ITGA8: variants seen among roughly 807,000 people sequenced by gnomAD.
The protein encoded by ITGA8 is integrin alpha-8.
A neutral mutation model predicts 142.3 loss-of-function variants in ITGA8; 91 were observed. The observed-to-expected ratio is 0.64, with a 90% CI of 0.54 to 0.76. The LOEUF (loss-of-function observed/expected upper bound fraction) is 0.76, where lower values mean the gene tolerates loss of function less well. ITGA8 is among the 30% of genes least tolerant of loss of function. The pLI, the probability that ITGA8 is intolerant of heterozygous loss-of-function variation, is 0.00. For missense variants in ITGA8, 1,406 were observed against 1,327.7 expected, an observed-to-expected ratio of 1.06 and a Z score of -0.92; for synonymous variants, 505 against 485.2, an observed-to-expected ratio of 1.04 and a Z score of -0.54.
chr10:15,718,098 A>G (rs1261244907), intron 2 of ITGA8, among the ~76,000 whole-genome samples: 1 of 152,234 alleles, frequency 6.6e-6, no homozygotes, highest in African/African-American at 2.4e-5. Flanking sequence ...TCGCATTTAA[A>G]TTATTTTCTC....
At chr10:15,522,862 A>C (rs1427158268) in intron 28 of ITGA8, among the ~76,000 whole-genome samples, 1 of 152,250 alleles carries the variant, frequency 6.6e-6, no homozygotes, top group East Asian at 1.9e-4. Context: ...AAATATAAAA[A>C]TTAGCTAGGC....
At chr10:15,549,992 A>C (rs1588638444) in intron 26 of ITGA8, among the ~76,000 whole-genome samples, 1 of 152,244 alleles carries the variant, frequency 6.6e-6, no homozygotes, top group East Asian at 1.9e-4. Flanking sequence ...GTCCCCACCC[A>C]AATCTCATCT....
At chr10:15,584,368 TAA>T (rs1220625684) in intron 23 of ITGA8, among the ~76,000 whole-genome samples, 1 of 152,072 alleles carries the variant, frequency 6.6e-6, no homozygotes, top group African/African-American at 2.4e-5. Flanking sequence ...ACAGGAAGAA[TAA>T]AGAGTCAACA....
At position 15,605,848 on chromosome 10, in the gene ITGA8, T is replaced by C. The variant is rs1833186112; in HGVS notation, c.1903-57A>G. On this transcript the variant is annotated intron_variant, in intron 18 of 29. Coordinates refer to ENST00000378076, the MANE Select transcript of ITGA8 (RefSeq NM_003638.3). ...CTAGGAAAATCTGATTCACATCCTT[T>C]TTCTTGAAAATTCTGAATGGTGCCA... 3.3e-6 allele frequency: 5 copies of C among 1,516,594 alleles called. No homozygotes were observed. In the Admixed American group the frequency reaches 8.4e-5, roughly 26 times the overall value. The allele number at this position is 1,516,594 out of a possible 1,614,324, so 93.9% of individuals were successfully genotyped here.
At chr10:15,592,782 A>G (rs1381365568) in intron 21 of ITGA8, among the ~76,000 whole-genome samples, 1 of 152,156 alleles carries the variant, frequency 6.6e-6, no homozygotes, top group East Asian at 1.9e-4. Context: ...CTTTTTTGTT[A>G]TTCGTAGAGA....
At chr10:15,544,377 G>A (rs1833631025) in intron 27 of ITGA8, among the ~76,000 whole-genome samples, 1 of 152,154 alleles carries the variant, frequency 6.6e-6, no homozygotes. Context: ...AGGGAGGCAG[G>A]GGGTAGTTTA....
intron 23 of ITGA8, among the ~76,000 whole-genome samples, chr10:15,579,919 A>G (rs533233857): frequency 2.6e-5 from 4 of 151,794 alleles, no homozygotes; most frequent in Non-Finnish European, 5.9e-5. Flanking sequence ...AAAGATCTCC[A>G]GTCAAGCATA....
At chr10:15,631,356 C>T (rs568061994) in intron 13 of ITGA8, among the ~76,000 whole-genome samples, 13 of 151,988 alleles carry the variant, frequency 8.6e-5, no homozygotes, top group South Asian at 6.2e-4. Context: ...GAAAATGTGA[C>T]GCATATACAC....
chr10:15,587,049 A>G (rs1341431765), intron 22 of ITGA8, among the ~76,000 whole-genome samples: 1 of 152,060 alleles, frequency 6.6e-6, no homozygotes, highest in Non-Finnish European at 1.5e-5. Flanking sequence ...CAGCCTCCCA[A>G]GTAGCTGAGA....
At chr10:15,565,072 G>C (rs1463251472) in intron 25 of ITGA8, among the ~76,000 whole-genome samples, 1 of 152,166 alleles carries the variant, frequency 6.6e-6, no homozygotes, top group Non-Finnish European at 1.5e-5. Context: ...CAAAATATAT[G>C]TGCAAACCTG....
intron 21 of ITGA8, among the ~76,000 whole-genome samples, chr10:15,593,982 C>T (rs111239729): frequency 0.02 from 3,059 of 151,914 alleles, 121 homozygotes; most frequent in African/African-American, 0.07. Context: ...GCTGGGATTA[C>T]GGGTGTGTGC....
intron 28 of ITGA8, among the ~76,000 whole-genome samples, chr10:15,528,060 C>T (rs1020436824): frequency 2.6e-5 from 4 of 151,864 alleles, no homozygotes; most frequent in South Asian, 4.2e-4. Flanking sequence ...GGACTACAGG[C>T]GAGCATCACC....
chr10:15,666,289 G>T (rs1834390281), intron 8 of ITGA8, among the ~76,000 whole-genome samples: 1 of 152,086 alleles, frequency 6.6e-6, no homozygotes, highest in Admixed American at 6.5e-5. Context: ...AATTATGAAT[G>T]GGAGTTCACT....
chr10:15,638,117 CAA>C (rs368318719), intron 13 of ITGA8, among the ~76,000 whole-genome samples: 1 of 152,156 alleles, frequency 6.6e-6, no homozygotes, highest in Non-Finnish European at 1.5e-5. Context: ...TTCCTTCCTC[CAA>C]AGACTAAAAA....
At chr10:15,685,776 C>A (rs776991919) in intron 3 of ITGA8, among the ~76,000 whole-genome samples, 2 of 152,028 alleles carry the variant, frequency 1.3e-5, no homozygotes, top group African/African-American at 4.8e-5. Flanking sequence ...GAAACATTAT[C>A]GGCAAAAATA....
intron 25 of ITGA8, among the ~76,000 whole-genome samples, chr10:15,567,627 G>T (rs1488102490): frequency 1.3e-5 from 2 of 152,294 alleles, no homozygotes; most frequent in Middle Eastern, 3.4e-3. Context: ...TATCACCGGA[G>T]AAACAGGAAC....
chr10:15,632,200 A>G (rs1833696666), intron 13 of ITGA8, among the ~76,000 whole-genome samples: 1 of 152,104 alleles, frequency 6.6e-6, no homozygotes, highest in African/African-American at 2.4e-5. Context: ...TCCTGGCTTC[A>G]CATTTAAGGT....
intron 13 of ITGA8, among the ~76,000 whole-genome samples, chr10:15,634,536 C>T (rs529225665): frequency 3.9e-5 from 6 of 152,138 alleles, no homozygotes; most frequent in East Asian, 3.9e-4. Flanking sequence ...AATTCGGGCC[C>T]GTGAGAGCAG....
chr10:15,684,113 T>A lies in ITGA8; in HGVS notation c.459A>T (p.Leu153Phe). Reference protein sequence around the residue: ...HKGKVVACAPLYHWRTLKPTP... With the variant: ...HKGKVVACAPFYHWRTLKPTP... ...TCGGTTTAAGAGTTCTCCAGTGATA[T>A]AAAGGAGCACAGGCCTAGGAAACAT... The change falls in exon 4 of 30, where the codon TTA (leucine) becomes TTT (phenylalanine). Residue 153 changes from leucine to phenylalanine, a missense_variant. Coordinates refer to ENST00000378076, the MANE Select transcript of ITGA8 (RefSeq NM_003638.3). 6.2e-7 allele frequency: 1 copy of A among 1,614,012 alleles called. No homozygotes were observed. The highest frequency in any genetic ancestry group is 8.5e-7 in the Non-Finnish European group (1 of 1,179,926).
Sources: gnomAD v4.1 joint callset for allele counts (sites outside exome capture counted in the v4.1 genomes callset) on GRCh38, gnomAD v4.1.1 for gene constraint, MANE v1.5 for transcripts, NCBI Gene and HGNC (gene_info 2026-07-23, HGNC 2026-07-21) for gene names.